Variants in HUWE1 observed in about 807,000 individuals in gnomAD.
HUWE1 encodes the protein HECT, UBA and WWE domain containing E3 ubiquitin protein ligase 1, also known as E3 ubiquitin-protein ligase HUWE1.
In HUWE1, 18 loss-of-function variants were observed where a neutral mutation model predicts 299.4. That is an observed-to-expected ratio of 0.06 (90% CI 0.04 to 0.09). The LOEUF (loss-of-function observed/expected upper bound fraction) is 0.09, where lower values mean the gene tolerates loss of function less well. Ranked by LOEUF, HUWE1 falls within the 10% of genes least tolerant of loss-of-function variation. The probability of loss-of-function intolerance (pLI) is 1.00; values close to 1 mark genes in which losing one functional copy is unlikely to be tolerated. For synonymous variants in HUWE1, 1,317 were observed against 1,286.1 expected, an observed-to-expected ratio of 1.02 and a Z score of -0.51; for missense variants, 1,832 against 3,462.3, an observed-to-expected ratio of 0.53 and a Z score of 11.82.
chrX:53,558,641 C>T lies in HUWE1; in HGVS notation c.8160+14G>A, dbSNP rs782252281. 4.1e-5 allele frequency: 49 copies of T among 1,205,891 alleles called. No homozygotes were observed. The highest frequency in any genetic ancestry group is 5.5e-5 in the Non-Finnish European group (49 of 890,083). ...CACAGTCAAAGATGAATCCTCCCAG[C>T]CCTTGGGAATCACCTGTGCACTCTG... On this transcript the variant is annotated intron_variant, in intron 59 of 83. Coordinates refer to ENST00000262854, the MANE Select transcript of HUWE1 (RefSeq NM_031407.7).
chrX:53,594,748 T>C, intron 30 of HUWE1, 127 bp from the exon 31 acceptor site: 1 of 647,278 alleles, frequency 1.5e-6, no homozygotes, highest in South Asian at 2.5e-5. Flanking sequence ...TACTAAAGAA[T>C]ACAGGATGAG....
At chrX:53,660,415 T>G (rs1158368841) in intron 3 of HUWE1, among the ~76,000 whole-genome samples, 1 of 112,470 alleles carries the variant, frequency 8.9e-6, no homozygotes, top group African/African-American at 3.2e-5. Context: ...AGTCCTACCT[T>G]GGTGTCTATA....
chrX:53,624,482 G>T (rs1345525997), intron 19 of HUWE1, 113 bp downstream of exon 19: 4 of 567,797 alleles, frequency 7.0e-6, no homozygotes, highest in African/African-American at 6.9e-5. Context: ...GGGCAATAGA[G>T]TGAGACTCTG....
Position 53,549,497 on chromosome X carries a change from C to A in HUWE1, c.9497G>T (p.Gly3166Val), listed in dbSNP as rs2061673664. The change falls in exon 67 of 84, where the codon GGC becomes GTC. Residue 3166 changes from glycine (G) to valine (V), a missense_variant. Gly to Val is a moderately radical substitution (Grantham distance 109). This residue lies in a region of HUWE1 where 91 missense variants were observed against 281.2 expected (regional missense o/e 0.32). Transcript: ENST00000262854. ...GCGGAGGAGAGTATCTACATTACTG[C>A]CAGAAGGCCTGGAAACAGAACATGG... Reference protein sequence around the residue: ...GGSSSHNRPSGSNVDTLLRLR... With the variant: ...GGSSSHNRPSVSNVDTLLRLR... 8.3e-7 allele frequency: 1 copy of A among 1,202,859 alleles called. No homozygotes were observed. Among genetic ancestry groups the A allele is most frequent in the African/African-American group, 1.8e-5 (1 of 56,953 alleles).
chrX:53,600,912 TAGAG>T (rs2064794854), intron 28 of HUWE1, among the ~76,000 whole-genome samples: 1 of 112,401 alleles, frequency 8.9e-6, no homozygotes, highest in Non-Finnish European at 1.9e-5. Flanking sequence ...ATATATCTGT[TAGAG>T]AGGCAATTCT....
rs782555622 is a variant in HUWE1 at position 53,607,780 on chromosome X, C to T, written c.2320-81G>A. On this transcript the variant is annotated intron_variant, in intron 24 of 83. Transcript: ENST00000262854. ...CCAGCCTGGAATAAGGATGGGGTAG[C>T]CTTCTAGTCATGATATTAGTGTTTT... The T allele has an allele frequency of 4.8e-5, 30 of 620,230 alleles. No individual in the cohort carries two copies. The African/African-American group carries it at 6.7e-4, about 14-fold the overall frequency. The allele number at this position is 620,230 out of a possible 1,213,427, so 51.1% of individuals were successfully genotyped here. A position where few individuals can be genotyped will look rare whatever the true frequency, so the allele number is the denominator to read the frequency against.
intron 13 of HUWE1, among the ~76,000 whole-genome samples, chrX:53,629,149 T>C (rs2066708755): frequency 9.0e-6 from 1 of 111,172 alleles, no homozygotes; most frequent in Admixed American, 9.6e-5. Flanking sequence ...CAAACAAGTA[T>C]AAGCCTGATA....
chrX:53,638,174 C>T (rs1275417954), intron 7 of HUWE1, among the ~76,000 whole-genome samples: 1 of 110,772 alleles, frequency 9.0e-6, no homozygotes, highest in Non-Finnish European at 1.9e-5. Flanking sequence ...CCCATCTCCA[C>T]TAAAAATACA....
At chrX:53,653,300 G>C (rs1219130880) in intron 4 of HUWE1, among the ~76,000 whole-genome samples, 1 of 112,188 alleles carries the variant, frequency 8.9e-6, no homozygotes, top group Non-Finnish European at 1.9e-5. Flanking sequence ...ACTATGCTAA[G>C]CAATTGCCTC....
In HUWE1 at chrX:53,564,677, G is replaced by A. The variant is rs782476691; in HGVS notation, c.6926C>T (p.Thr2309Ile). 8.3e-7 allele frequency: 1 copy of A among 1,211,812 alleles called. No homozygotes were observed. The highest frequency in any genetic ancestry group is 1.7e-5 in the African/African-American group (1 of 57,865). ...ATCCCCATCTGCCACCTCTGTCTGAGTGACATCATGATCCTCCTCCTGCAC... is the reference window on the plus strand; with the variant it reads ...ATCCCCATCTGCCACCTCTGTCTGAATGACATCATGATCCTCCTCCTGCAC... ...AEVQEEDHDV[T>I]QTEVADGDIM... The change falls in exon 51 of 84, where the codon ACT (threonine) becomes ATT (isoleucine). Residue 2309 changes from threonine (T) to isoleucine (I), a missense_variant. Transcript: ENST00000262854.
chrX:53,614,241 G>A (rs2065668705), intron 23 of HUWE1, among the ~76,000 whole-genome samples: 1 of 109,992 alleles, frequency 9.1e-6, no homozygotes, highest in Non-Finnish European at 1.9e-5. Context: ...CTCCAGCATG[G>A]GCAACGAGAG....
chrX:53,561,127 A>T (rs2062267608), intron 55 of HUWE1, among the ~76,000 whole-genome samples: 1 of 112,252 alleles, frequency 8.9e-6, no homozygotes, highest in Non-Finnish European at 1.9e-5. Context: ...GAGGTAAGAG[A>T]TTAATTGGCC....
chrX:53,598,465 A>G (rs1556987032), intron 29 of HUWE1, among the ~76,000 whole-genome samples: 1 of 111,263 alleles, frequency 9.0e-6, no homozygotes, highest in Admixed American at 9.5e-5. Flanking sequence ...AGCAAGACCA[A>G]CATCCCCCCA....
chrX:53,657,532 G>C (rs947760361), intron 3 of HUWE1, among the ~76,000 whole-genome samples: 2 of 110,626 alleles, frequency 1.8e-5, no homozygotes, highest in Non-Finnish European at 3.8e-5. Flanking sequence ...TCTCAAAAAA[G>C]AAAAAGATGT....
chrX:53,585,944 C>A (rs1169464146), intron 39 of HUWE1, among the ~76,000 whole-genome samples: 1 of 111,911 alleles, frequency 8.9e-6, no homozygotes, highest in Non-Finnish European at 1.9e-5. Context: ...CTGTCTCAGC[C>A]TCCCAAAGTG....
Position 53,575,799 on chromosome X carries a change from AG to A in HUWE1, c.5885-12del, listed in dbSNP as rs1556958254. 3 of 1,209,797 alleles carry A rather than the reference AG, an allele frequency of 2.5e-6. No individual in the cohort carries two copies. The Admixed American group carries it at 6.5e-5, about 26-fold the overall frequency. On this transcript the variant is annotated splice_polypyrimidine_tract_variant and intron_variant, in intron 44 of 83. Coordinates refer to ENST00000262854, the MANE Select transcript of HUWE1 (RefSeq NM_031407.7). ...GATCAGATTTATCTGCTAGGAAAAC[AG>A]TAACAACCATCAAAAACAAAATAAA...
At chrX:53,607,800 T>A in intron 24 of HUWE1, 101 bp from the exon 25 acceptor site, 1 of 550,340 alleles carries the variant, frequency 1.8e-6, no homozygotes, top group African/African-American at 2.3e-5. Flanking sequence ...ATGATATTAG[T>A]GTTTTCTATA....
chrX:53,553,732 C>G (rs1393437002), intron 61 of HUWE1, among the ~76,000 whole-genome samples: 1 of 109,637 alleles, frequency 9.1e-6, no homozygotes, highest in Non-Finnish European at 1.9e-5. Flanking sequence ...ATCACTCCAA[C>G]CTGGGTGGCG....
At chrX:53,537,318 CAA>C (rs2061109424) in intron 78 of HUWE1, 1 of 427,326 alleles carries the variant, frequency 2.3e-6, no homozygotes, top group Non-Finnish European at 4.1e-6. Flanking sequence ...TTATAAACAC[CAA>C]AGACTTTCCT....
Sources: gnomAD v4.1 joint callset for allele counts (sites outside exome capture counted in the v4.1 genomes callset) on GRCh38, gnomAD v4.1.1 for gene constraint, gnomAD v4.1.1 regional missense constraint, MANE v1.5 for transcripts, NCBI Gene and HGNC (gene_info 2026-07-23, HGNC 2026-07-21) for gene names.